The following IPCEF1 variants were observed in gnomAD, a reference collection of about 807,000 sequenced individuals.
IPCEF1 encodes the protein interaction protein for cytohesin exchange factors 1.
IPCEF1 carries 31 observed loss-of-function variants against 50.9 expected under a neutral mutation model. The ratio of observed to expected loss-of-function variants is 0.61; its 90% confidence interval spans 0.46 to 0.82. The LOEUF is 0.82. Among genes scored for constraint, IPCEF1 ranks in the 40% least tolerant of loss-of-function variants. The probability of loss-of-function intolerance (pLI) is 0.00; values close to 1 mark genes in which losing one functional copy is unlikely to be tolerated. For missense variants in IPCEF1, 458 were observed against 514.0 expected (o/e 0.89, Z 1.05); for synonymous variants, 181 against 192.0 (o/e 0.94, Z 0.47).
chr6:154,355,820 T>C (rs1394359683), intron 1 of IPCEF1, among the ~76,000 whole-genome samples: 2 of 151,776 alleles, frequency 1.3e-5, no homozygotes. Flanking sequence ...CTTTCTTTTT[T>C]TTTTTCTTCC....
At chr6:154,275,624 G>A (rs180943223) in intron 2 of IPCEF1, among the ~76,000 whole-genome samples, 9 of 152,166 alleles carry the variant, frequency 5.9e-5, no homozygotes, top group Admixed American at 4.6e-4. Flanking sequence ...TTTCTACTTG[G>A]TGAAATTCAG....
intron 1 of IPCEF1, among the ~76,000 whole-genome samples, chr6:154,331,405 A>AAGAAAGAAAGAAAGAAAGAAAGAGAG (rs60403800): frequency 1.5e-4 from 14 of 93,024 alleles, no homozygotes; most frequent in South Asian, 3.5e-4. Flanking sequence ...GAAAGAAAGA[A>AAGAAAGAAAGAAAGAAAGAAAGAGAG]AGAGAGAGAA....
chr6:154,314,374 A>C (rs1378893683), intron 1 of IPCEF1, among the ~76,000 whole-genome samples: 1 of 152,232 alleles, frequency 6.6e-6, no homozygotes, highest in South Asian at 2.1e-4. Context: ...GATTAATGAC[A>C]TAATCATTTG....
At chr6:154,294,161 G>A (rs528849815) in intron 1 of IPCEF1, among the ~76,000 whole-genome samples, 77 of 151,968 alleles carry the variant, frequency 5.1e-4, no homozygotes, top group Non-Finnish European at 8.7e-4. Flanking sequence ...ATGACATTGG[G>A]GCCCAATTCT....
chr6:154,351,383 C>A (rs1363080438), intron 1 of IPCEF1, among the ~76,000 whole-genome samples: 4 of 152,170 alleles, frequency 2.6e-5, no homozygotes, highest in Non-Finnish European at 5.9e-5. Context: ...TGGCTGGAAG[C>A]ATTTCCTACG....
chr6:154,317,391 T>C (rs111822289), intron 1 of IPCEF1, among the ~76,000 whole-genome samples: 9,189 of 150,740 alleles, frequency 0.061, 630 homozygotes, highest in East Asian at 0.33. Flanking sequence ...CTACTAAAAA[T>C]ACAAAAAATT....
chr6:154,307,481 C>T (rs1782966192), intron 1 of IPCEF1, among the ~76,000 whole-genome samples: 1 of 152,148 alleles, frequency 6.6e-6, no homozygotes, highest in Admixed American at 6.5e-5. Context: ...TTTTTATCAG[C>T]AGTGTGAAAA....
intron 10 of IPCEF1, among the ~76,000 whole-genome samples, chr6:154,173,964 A>G (rs2128559563): frequency 6.6e-6 from 1 of 152,354 alleles, no homozygotes; most frequent in Non-Finnish European, 1.5e-5. Flanking sequence ...TCAGACTAAC[A>G]GTGGATCTCT....
intron 1 of IPCEF1, among the ~76,000 whole-genome samples, chr6:154,311,690 T>A (rs1428611886): frequency 6.6e-6 from 1 of 151,948 alleles, no homozygotes; most frequent in Non-Finnish European, 1.5e-5. Context: ...ATGAAAAAAA[T>A]TTTCAATATC....
chr6:154,253,971 A>C (rs187909721), intron 3 of IPCEF1, among the ~76,000 whole-genome samples: 26 of 152,278 alleles, frequency 1.7e-4, no homozygotes, highest in African/African-American at 6.3e-4. Context: ...TATTATAATA[A>C]AACATTCAGA....
intron 8 of IPCEF1, 130 bp from the exon 9 acceptor site, chr6:154,212,985 C>A: frequency 1.5e-6 from 1 of 687,098 alleles, no homozygotes; most frequent in Non-Finnish European, 2.6e-6. Context: ...ATCTAATGAA[C>A]TACCTGGTAA....
At chr6:154,193,872 CA>C (rs1230418817) in intron 10 of IPCEF1, among the ~76,000 whole-genome samples, 1 of 152,200 alleles carries the variant, frequency 6.6e-6, no homozygotes, top group African/African-American at 2.4e-5. Context: ...ATACTCTATA[CA>C]GACAAAAAGT....
chr6:154,315,639 C>T (rs1783196889), intron 1 of IPCEF1, among the ~76,000 whole-genome samples: 1 of 152,098 alleles, frequency 6.6e-6, no homozygotes, highest in South Asian at 2.1e-4. Context: ...TATCTTAGTC[C>T]TGTGGATCTA....
chr6:154,212,148 C>T (rs1371544585), intron 9 of IPCEF1, among the ~76,000 whole-genome samples: 1 of 152,130 alleles, frequency 6.6e-6, no homozygotes. Context: ...ATGACCCTTC[C>T]TCGGGGCCAT....
At chr6:154,228,097 T>C (rs1352196477) in intron 5 of IPCEF1, among the ~76,000 whole-genome samples, 3 of 152,156 alleles carry the variant, frequency 2.0e-5, no homozygotes, top group African/African-American at 7.2e-5. Context: ...CCAGATCCCC[T>C]GTTGCCTATT....
chr6:154,315,361 C>T (rs1207434151), intron 1 of IPCEF1, among the ~76,000 whole-genome samples: 3 of 152,170 alleles, frequency 2.0e-5, no homozygotes, highest in Admixed American at 1.3e-4. Context: ...CAGGGAAAAA[C>T]AGGGTCCGTG....
chr6:154,212,776 C>A lies in IPCEF1; in HGVS notation c.531G>T (p.Gln177His), dbSNP rs1381737599. 6.2e-7 allele frequency: 1 copy of A among 1,609,078 alleles called. No individual in the cohort carries two copies. The highest frequency in any genetic ancestry group is 1.7e-5 in the Admixed American group (1 of 60,002). The change falls in exon 9 of 12, where the codon CAG (glutamine) becomes CAT (histidine). Residue 177 changes from glutamine to histidine, a missense_variant. Transcript: ENST00000367220. The stretch of plus-strand genomic sequence containing the variant: ...TACTTATGTCGGTACATACCAAAGA[C>A]TGAGTCTGGGAAGCGTGAGGAGGGG... The part of the protein sequence containing the change: ...TPPPPHASQT[Q>H]SLTAQQASSS...
chr6:154,270,658 T>A (rs6903940), intron 2 of IPCEF1, among the ~76,000 whole-genome samples: 66,014 of 152,066 alleles, frequency 0.43, 15,616 homozygotes, highest in East Asian at 0.65. Flanking sequence ...TCACCAAAAA[T>A]TTTTTAAATT....
At chr6:154,215,887 A>T (rs1044034256) in intron 7 of IPCEF1, among the ~76,000 whole-genome samples, 1 of 152,212 alleles carries the variant, frequency 6.6e-6, no homozygotes, top group Admixed American at 6.5e-5. Flanking sequence ...TCTCAGCCTC[A>T]ATAGTATTTT....
Sources: allele counts gnomAD v4.1 joint callset (sites outside exome capture counted in the v4.1 genomes callset), GRCh38; gene constraint gnomAD v4.1.1; transcripts MANE v1.5; gene names NCBI Gene and HGNC (gene_info 2026-07-23, HGNC 2026-07-21).